The following NFATC1 variants were observed in gnomAD, a reference collection of about 807,000 sequenced individuals.
The protein encoded by NFATC1 is nuclear factor of activated T cells 1.
NFATC1 carries 22 observed loss-of-function variants against 76.0 expected under a neutral mutation model. That is an observed-to-expected ratio of 0.29 (90% CI 0.21 to 0.41). The LOEUF is 0.41. NFATC1 is among the 10% of genes least tolerant of loss of function. The pLI, the probability that NFATC1 is intolerant of heterozygous loss-of-function variation, is 1.00. For synonymous variants in NFATC1, 704 were observed against 613.1 expected, an observed-to-expected ratio of 1.15 and a Z score of -2.19; for missense variants, 1,357 against 1,337.7, an observed-to-expected ratio of 1.01 and a Z score of -0.23.
At chr18:79,520,610 TGTGG>T (rs1227650885) in intron 9 of NFATC1, among the ~76,000 whole-genome samples, 4 of 83,614 alleles carry the variant, frequency 4.8e-5, no homozygotes, top group Non-Finnish European at 9.2e-5. Context: ...TCTGTGTGTG[TGTGG>T]GGGGGGCATC....
chr18:79,406,896 G>A (rs112114537), intron 1 of NFATC1, among the ~76,000 whole-genome samples: 1,559 of 152,302 alleles, frequency 0.01, 9 homozygotes, highest in Non-Finnish European at 0.017. Flanking sequence ...CGGGGCAGAC[G>A]TCAGGGCTGG....
At chr18:79,469,868 G>A (rs1259455817) in intron 8 of NFATC1, 17 of 985,384 alleles carry the variant, frequency 1.7e-5, no homozygotes, top group South Asian at 9.4e-5. Context: ...TGGTCCTGGG[G>A]GCTGCGACCG....
chr18:79,410,814 G>T lies in NFATC1; in HGVS notation c.539G>T (p.Arg180Leu). The T allele has an allele frequency of 6.2e-7, 1 of 1,612,210 alleles. No homozygotes were observed. Among genetic ancestry groups the T allele is most frequent in the Non-Finnish European group, 8.5e-7 (1 of 1,179,630 alleles). The change falls in exon 2 of 10, where the codon CGG (arginine) becomes CTG (leucine). Residue 180 changes from arginine (R) to leucine (L), a missense_variant. This residue lies in a region of NFATC1 where 691 missense variants were observed against 613.1 expected (regional missense o/e 1.13). Coordinates refer to ENST00000427363, the MANE Select transcript of NFATC1 (RefSeq NM_001278669.2). The surrounding 1 kb of genome is among the most constrained non-coding windows in gnomAD (Gnocchi z 6.7). The stretch of plus-strand genomic sequence containing the variant: ...AGCCCGGCCAGCAGCCTGTCCTCCC[G>T]GAGCTGCAACTCAGAGGCCTCCTCC... The part of the protein sequence containing the change: ...CLSPASSLSS[R>L]SCNSEASSYE...
chr18:79,492,175 G>A (rs1313191794), intron 9 of NFATC1, among the ~76,000 whole-genome samples: 1 of 152,204 alleles, frequency 6.6e-6, no homozygotes, highest in Non-Finnish European at 1.5e-5. Context: ...AGGGGTCTGA[G>A]GAGGGCAGTT....
chr18:79,449,897 A>G (rs528439526), intron 4 of NFATC1, among the ~76,000 whole-genome samples: 11 of 152,346 alleles, frequency 7.2e-5, no homozygotes, highest in Admixed American at 2.0e-4. Context: ...CAAAGCCTGT[A>G]AGTCAAAAAG....
chr18:79,416,501 G>C (rs2085880472), intron 2 of NFATC1, among the ~76,000 whole-genome samples: 1 of 141,078 alleles, frequency 7.1e-6, no homozygotes, highest in African/African-American at 2.8e-5. Context: ...TGGGCCCTTT[G>C]GGGTGATGGT....
chr18:79,433,438 C>A, intron 2 of NFATC1, 141 bp from the exon 3 acceptor site: 1 of 993,800 alleles, frequency 1.0e-6, no homozygotes, highest in Non-Finnish European at 1.5e-6. Context: ...TGCATTGACA[C>A]AGGCTTCTCC....
At chr18:79,438,263 A>G (rs988664210) in intron 3 of NFATC1, among the ~76,000 whole-genome samples, 17 of 152,180 alleles carry the variant, frequency 1.1e-4, no homozygotes, top group Non-Finnish European at 1.8e-4. Flanking sequence ...TGTTCCTCAC[A>G]TGAGTCAACC....
Position 79,528,248 on chromosome 18 carries a change from A to G in NFATC1, c.*671A>G, listed in dbSNP as rs570108224. 1.9e-4 allele frequency: 54 copies of G among 278,112 alleles called. 1 individual carries two copies. The highest frequency in any genetic ancestry group is 2.4e-4 in the Non-Finnish European group (36 of 150,162). 17.2% of individuals were successfully genotyped at this position (278,112 alleles called of 1,614,324 possible). A position where few individuals can be genotyped will look rare whatever the true frequency, so the allele number is the denominator to read the frequency against. ...AAACCGTAGGCTTGTTCATAGTCGC[A>G]TGCTCGCATCTTTGTTTTTAATCTG... On this transcript the variant is annotated 3_prime_UTR_variant, in exon 10 of 10. Transcript: ENST00000427363.
In NFATC1 at chr18:79,433,612, G is replaced by C; in HGVS notation, c.1260G>C (p.Pro420=). Residue 420 remains proline (P), a synonymous_variant, in exon 3 of 10, where the codon CCG becomes CCC. Transcript: ENST00000427363. Reference sequence around the variant, plus strand: ...TGCCCGCCCTGGACTGGCAGCTGCCGTCCCACTCAGGCCCGTATGAGCTTC... The same window carrying C: ...TGCCCGCCCTGGACTGGCAGCTGCCCTCCCACTCAGGCCCGTATGAGCTTC... ...PTLPALDWQL[P]SHSGPYELRI... The C allele has an allele frequency of 6.2e-7, 1 of 1,612,876 alleles. No individual in the cohort carries two copies. Among genetic ancestry groups the C allele is most frequent in the African/African-American group, 1.3e-5 (1 of 74,974 alleles).
intron 8 of NFATC1, among the ~76,000 whole-genome samples, chr18:79,480,624 G>A (rs960033295): frequency 3.9e-5 from 6 of 152,156 alleles, no homozygotes; most frequent in African/African-American, 1.4e-4. Flanking sequence ...GGTTTTAAAC[G>A]GGGCCGTGTC....
At chr18:79,456,760 G>C (rs1313019078) in intron 6 of NFATC1, among the ~76,000 whole-genome samples, 1 of 152,192 alleles carries the variant, frequency 6.6e-6, no homozygotes, top group Non-Finnish European at 1.5e-5. Context: ...TTAGTCGTGC[G>C]GGATGTAGGC....
chr18:79,463,819 C>T (rs1285853133), intron 7 of NFATC1, among the ~76,000 whole-genome samples: 2 of 152,210 alleles, frequency 1.3e-5, no homozygotes, highest in Non-Finnish European at 2.9e-5. Context: ...CCCGCACATG[C>T]ACGCGGGTTG....
In NFATC1 at chr18:79,512,192, G is replaced by A. The variant is rs117252027; in HGVS notation, c.2783-15336G>A. Among the ~76,000 whole-genome samples the A allele has an allele frequency of 5.3e-5, 8 of 151,626 alleles. No homozygotes were observed. In the East Asian group the frequency reaches 9.8e-4, roughly 18 times the overall value. On this transcript the variant is annotated intron_variant, in intron 9 of 9. Coordinates refer to ENST00000427363, the MANE Select transcript of NFATC1 (RefSeq NM_001278669.2). ...AGGACACGGCCTCGCCCCAGGACAC[G>A]GCCTCACCCCAGGACACGGCCTCGC...
At chr18:79,490,414 G>A (rs925386977) in intron 9 of NFATC1, among the ~76,000 whole-genome samples, 4 of 149,628 alleles carry the variant, frequency 2.7e-5, no homozygotes, top group African/African-American at 7.4e-5. Context: ...GTGCAGGCCC[G>A]GCTCTGGGTT....
chr18:79,455,636 C>A (rs1600768994), intron 6 of NFATC1, among the ~76,000 whole-genome samples: 1 of 152,078 alleles, frequency 6.6e-6, no homozygotes, highest in Admixed American at 6.5e-5. Context: ...TAGACAGAGC[C>A]CCTCCCGGAG....
chr18:79,523,269 A>C (rs796870265), intron 9 of NFATC1, among the ~76,000 whole-genome samples: 38 of 152,348 alleles, frequency 2.5e-4, no homozygotes, highest in African/African-American at 9.1e-4. Context: ...GCCAGGCAGC[A>C]AGGGGGCAAA....
At chr18:79,429,747 T>C (rs1257226640) in intron 2 of NFATC1, among the ~76,000 whole-genome samples, 1 of 152,230 alleles carries the variant, frequency 6.6e-6, no homozygotes, top group Non-Finnish European at 1.5e-5. Context: ...TCATCTTAAT[T>C]GTCTGGATTA....
intron 9 of NFATC1, among the ~76,000 whole-genome samples, chr18:79,523,510 C>T (rs1002337411): frequency 6.6e-6 from 1 of 152,260 alleles, no homozygotes; most frequent in Non-Finnish European, 1.5e-5. Flanking sequence ...GGCTTGTTTA[C>T]GCACAGCTAG....
Sources: gnomAD v4.1 joint callset for allele counts (sites outside exome capture counted in the v4.1 genomes callset) on GRCh38, gnomAD v4.1.1 for gene constraint, gnomAD v4.1.1 regional missense constraint, Gnocchi (gnomAD v3.1) non-coding constraint, MANE v1.5 for transcripts, NCBI Gene and HGNC (gene_info 2026-07-23, HGNC 2026-07-21) for gene names.